RBFOX1: variants seen among roughly 807,000 people sequenced by gnomAD.
The protein encoded by RBFOX1 is RNA binding protein fox-1 homolog 1.
RBFOX1 carries 8 observed loss-of-function variants against 57.7 expected under a neutral mutation model. That is an observed-to-expected ratio of 0.14 (90% CI 0.08 to 0.25). The LOEUF (loss-of-function observed/expected upper bound fraction) is 0.25. RBFOX1 is among the 10% of genes least tolerant of loss of function. The probability of loss-of-function intolerance (pLI) is 1.00; values close to 1 mark genes in which losing one functional copy is unlikely to be tolerated. For missense variants in RBFOX1, 611 were observed against 548.5 expected (o/e 1.11, Z -1.14); for synonymous variants, 326 against 222.4 (o/e 1.47, Z -4.15).
At chr16:5,772,215 A>C (rs1250694600) in intron 3 of RBFOX1, among the ~76,000 whole-genome samples, 2 of 152,172 alleles carry the variant, frequency 1.3e-5, no homozygotes, top group Admixed American at 1.3e-4. Context: ...AACAATAGTG[A>C]ATTTATGGGG....
At chr16:7,449,884 G>T (rs139649546) in intron 4 of RBFOX1, among the ~76,000 whole-genome samples, 1 of 152,232 alleles carries the variant, frequency 6.6e-6, no homozygotes, top group African/African-American at 2.4e-5. Context: ...GGGGCTTGAA[G>T]ACATTTGTGA....
chr16:6,834,121 G>C (rs900688428), intron 3 of RBFOX1, among the ~76,000 whole-genome samples: 6 of 151,998 alleles, frequency 3.9e-5, no homozygotes, highest in Admixed American at 2.6e-4. Context: ...CTGGTGTGCA[G>C]TGGTGTGATC....
chr16:7,491,775 C>G (rs895736977), intron 4 of RBFOX1, among the ~76,000 whole-genome samples: 17 of 152,094 alleles, frequency 1.1e-4, no homozygotes, highest in African/African-American at 3.9e-4. Flanking sequence ...GGACCGCAGG[C>G]ACATGCCACC....
chr16:6,228,727 C>G (rs2097435670), intron 1 of RBFOX1, among the ~76,000 whole-genome samples: 1 of 152,028 alleles, frequency 6.6e-6, no homozygotes, highest in Non-Finnish European at 1.5e-5. Flanking sequence ...TTCAAGAGAT[C>G]TATTGTACAA....
At chr16:7,506,523 ATTTCT>A (rs1164874670) in intron 4 of RBFOX1, among the ~76,000 whole-genome samples, 2 of 152,116 alleles carry the variant, frequency 1.3e-5, no homozygotes, top group Admixed American at 6.5e-5. Context: ...GCAAGAAAAG[ATTTCT>A]TTTCCTCGTT....
intron 3 of RBFOX1, among the ~76,000 whole-genome samples, chr16:5,664,302 C>A (rs1206723133): frequency 6.6e-6 from 1 of 152,138 alleles, no homozygotes; most frequent in East Asian, 1.9e-4. Context: ...ATAATCCCAG[C>A]ACTTTGGGAG....
At chr16:7,240,087 C>T (rs1447952305) in intron 4 of RBFOX1, among the ~76,000 whole-genome samples, 2 of 152,158 alleles carry the variant, frequency 1.3e-5, no homozygotes. Context: ...CTGCCTCAGA[C>T]TCTTGAGTAG....
At chr16:7,345,765 G>A (rs550409210) in intron 4 of RBFOX1, among the ~76,000 whole-genome samples, 14 of 152,172 alleles carry the variant, frequency 9.2e-5, no homozygotes, top group African/African-American at 3.4e-4. Context: ...ACAGTTGTGG[G>A]ATTTGGGTTA....
intron 4 of RBFOX1, among the ~76,000 whole-genome samples, chr16:7,139,637 CT>C (rs2073101973): frequency 6.6e-6 from 1 of 152,108 alleles, no homozygotes; most frequent in African/African-American, 2.4e-5. Context: ...TGAGTCCACC[CT>C]CGACAGTTTC....
intron 4 of RBFOX1, among the ~76,000 whole-genome samples, chr16:7,238,669 C>G (rs112540347): frequency 5.9e-5 from 9 of 152,106 alleles, no homozygotes; most frequent in African/African-American, 2.2e-4. Context: ...TTCAGGGGTA[C>G]AAGTGCAGGC....
At chr16:6,728,374 T>TC (rs57706044) in intron 3 of RBFOX1, among the ~76,000 whole-genome samples, 137,679 of 152,004 alleles carry the variant, frequency 0.91, 63,970 homozygotes, top group East Asian at 1. Flanking sequence ...CAATGTCTTG[T>TC]CGTTGTTTCT....
intron 1 of RBFOX1, among the ~76,000 whole-genome samples, chr16:6,062,626 A>G (rs1004424711): frequency 9.8e-5 from 14 of 142,660 alleles, no homozygotes; most frequent in Middle Eastern, 3.8e-3. Context: ...ATAAATATAT[A>G]TAACATATAC....
intron 1 of RBFOX1, among the ~76,000 whole-genome samples, chr16:5,458,209 C>G (rs555350139): frequency 1.3e-5 from 2 of 152,170 alleles, no homozygotes; most frequent in East Asian, 1.9e-4. Flanking sequence ...GCTGGATACT[C>G]TTTGCTTTGG....
At chr16:7,013,353 G>A (rs187493865) in intron 3 of RBFOX1, among the ~76,000 whole-genome samples, 2 of 152,136 alleles carry the variant, frequency 1.3e-5, no homozygotes, top group Admixed American at 1.3e-4. Context: ...ACATAAACCA[G>A]TCCCTCTCAC....
intron 12 of RBFOX1, among the ~76,000 whole-genome samples, chr16:7,655,036 A>AT (rs1281656460): frequency 2.6e-5 from 4 of 152,164 alleles, no homozygotes; most frequent in African/African-American, 9.7e-5. Context: ...ATATGGCTGC[A>AT]TTTAAGACTG....
At chr16:5,316,520 A>G (rs1394824031) in intron 1 of RBFOX1, among the ~76,000 whole-genome samples, 4 of 152,170 alleles carry the variant, frequency 2.6e-5, no homozygotes, top group Non-Finnish European at 4.4e-5. Flanking sequence ...AACGTGCTTG[A>G]TTTCTGACTC....
intron 4 of RBFOX1, among the ~76,000 whole-genome samples, chr16:7,170,185 C>G (rs1250102606): frequency 6.6e-6 from 1 of 152,204 alleles, no homozygotes; most frequent in Non-Finnish European, 1.5e-5. Context: ...TTTATAGAAA[C>G]TGTAGCATGA....
chr16:7,052,001 T>C (rs2050252439), intron 3 of RBFOX1, 56 bp from the exon 4 acceptor site: 1 of 1,589,522 alleles, frequency 6.3e-7, no homozygotes, highest in Non-Finnish European at 8.6e-7. Flanking sequence ...TTTTCTTTCA[T>C]GTTTTTCTGA....
intron 8 of RBFOX1, among the ~76,000 whole-genome samples, chr16:7,596,607 AT>A (rs1212658196): frequency 6.6e-6 from 1 of 151,850 alleles, no homozygotes; most frequent in Non-Finnish European, 1.5e-5. Context: ...TACCACGTGA[AT>A]TTTTTTGACT....
Sources: gnomAD v4.1 joint callset for allele counts (sites outside exome capture counted in the v4.1 genomes callset) on GRCh38, gnomAD v4.1.1 for gene constraint, MANE v1.5 for transcripts, NCBI Gene and HGNC (gene_info 2026-07-23, HGNC 2026-07-21) for gene names.